SETD1B: variants seen among roughly 807,000 people sequenced by gnomAD.
The protein encoded by SETD1B is SET domain containing 1B, histone lysine methyltransferase, also known as histone-lysine N-methyltransferase SETD1B.
SETD1B carries 7 observed loss-of-function variants against 148.0 expected under a neutral mutation model. The ratio of observed to expected loss-of-function variants is 0.05; its 90% confidence interval spans 0.03 to 0.09. The LOEUF (loss-of-function observed/expected upper bound fraction) is 0.09. SETD1B is among the 10% of genes least tolerant of loss of function. SETD1B has a pLI of 1.00. For synonymous variants in SETD1B, 1,361 were observed against 1,186.5 expected (o/e 1.15, Z -3.02); for missense variants, 2,155 against 2,729.9 (o/e 0.79, Z 4.69).
intron 10 of SETD1B, among the ~76,000 whole-genome samples, 191 bp downstream of exon 10, chr12:121,818,095 A>G (rs1290643200): frequency 1.3e-5 from 2 of 152,218 alleles, no homozygotes; most frequent in Non-Finnish European, 1.5e-5. Context: ...TGGCATGTCC[A>G]TAGAAATAGA....
rs771200605 is a variant in SETD1B at position 121,814,220 on chromosome 12, G to A, written c.2005G>A (p.Val669Met). ...PMVVTPGAAA[V>M]AAPSVLAPTL... ...GGTGGTGACCCCAGGAGCGGCAGCC[G>A]TGGCAGCCCCTTCTGTGCTAGCCCC... Residue 669 changes from valine to methionine, a missense_variant, in exon 7 of 17, where the codon GTG becomes ATG. Physicochemically the swap from Val to Met is conservative, Grantham distance 21. This residue lies in a region of SETD1B where 295 missense variants were observed against 303.8 expected (regional missense o/e 0.97). Coordinates refer to ENST00000604567, the MANE Select transcript of SETD1B (RefSeq NM_001353345.2). 4 of 1,527,116 alleles carry A rather than the reference G, an allele frequency of 2.6e-6. No individual in the cohort carries two copies. The highest frequency in any genetic ancestry group is 3.5e-6 in the Non-Finnish European group (4 of 1,142,196). 94.6% of individuals were successfully genotyped at this position (1,527,116 alleles called of 1,614,324 possible).
At chr12:121,793,947 CG>C in the SETD1B span, 1 of 268,492 alleles carries the variant, frequency 3.7e-6, no homozygotes, top group Non-Finnish European at 7.0e-6. Flanking sequence ...GAGACCCGAT[CG>C]TGGCTGCCCA....
chr12:121,813,860 G>C (rs1876154373), intron 6 of SETD1B, among the ~76,000 whole-genome samples: 1 of 152,152 alleles, frequency 6.6e-6, no homozygotes, highest in African/African-American at 2.4e-5. Flanking sequence ...CCAGTGCCTG[G>C]CACACAGGTA....
chr12:121,792,102 GGGGGGC>G, the SETD1B span, among the ~76,000 whole-genome samples: 3 of 132,280 alleles, frequency 2.3e-5, no homozygotes, highest in African/African-American at 1.0e-4. Context: ...TCGGAATGGA[GGGGGGC>G]TCTGAGCTAG....
chr12:121,813,667 C>G (rs1876145055), intron 6 of SETD1B, among the ~76,000 whole-genome samples: 1 of 152,210 alleles, frequency 6.6e-6, no homozygotes, highest in Admixed American at 6.5e-5. Context: ...ACACAAGTTG[C>G]AACAGAATCT....
At chr12:121,800,644 C>T (rs1875296580), upstream of SETD1B, 1 of 150,380 alleles carries the variant, frequency 6.6e-6, no homozygotes, top group African/African-American at 2.4e-5. Flanking sequence ...CCCCCTACCC[C>T]TGCCGCTCCT....
Position 121,814,881 on chromosome 12 carries a change from C to T in SETD1B, c.2666C>T (p.Ala889Val). 6.4e-7 allele frequency: 1 copy of T among 1,550,790 alleles called. No homozygotes were observed. The highest frequency in any genetic ancestry group is 8.7e-7 in the Non-Finnish European group (1 of 1,146,610). The change falls in exon 7 of 17, where the codon GCT becomes GTT. Residue 889 changes from alanine to valine, a missense_variant. By Grantham distance (64) the Ala-to-Val change is moderately conservative. Coordinates refer to ENST00000604567, the MANE Select transcript of SETD1B (RefSeq NM_001353345.2). ...DLNRKMVEVVAFRAFDEWWDK... is the reference protein window; with the variant it reads ...DLNRKMVEVVVFRAFDEWWDK... ...AACCGCAAGATGGTGGAAGTGGTGG[C>T]TTTCCGGGCCTTTGACGAGTGGTGG...
At chr12:121,793,696 G>C in the SETD1B span, 4 of 1,400,808 alleles carry the variant, frequency 2.9e-6, no homozygotes, top group Non-Finnish European at 3.7e-6. Context: ...GAGGTCGGGG[G>C]CGGGGCGGGG....
chr12:121,819,913 CTGGGAGGGTGG>C lies in SETD1B; in HGVS notation c.3910+27_3910+37del, dbSNP rs1161816855. On this transcript the variant is annotated intron_variant, in intron 11 of 16. Transcript: ENST00000604567. ...AGCTCCAGGTAACACCTGCAACCCC[CTGGGAGGGTGG>C]TGGGAGGGAGGCAGGAAGTCCTCAC... 1.3e-6 allele frequency: 2 copies of C among 1,541,624 alleles called. No individual in the cohort carries two copies. Among genetic ancestry groups the C allele is most frequent in the African/African-American group, 2.8e-5 (2 of 72,590 alleles).
At position 121,805,714 on chromosome 12, in the gene SETD1B, G is replaced by A. The variant is rs1165871580; in HGVS notation, c.274-121G>A. Reference sequence around the variant, plus strand: ...ATTTTTTTTTTTTTTTTAATTTTTAGTTTTTTTACCCTTTATTGTTTTCAA... The same window carrying A: ...ATTTTTTTTTTTTTTTTAATTTTTAATTTTTTTACCCTTTATTGTTTTCAA... On this transcript the variant is annotated intron_variant, in intron 3 of 16. Coordinates refer to ENST00000604567, the MANE Select transcript of SETD1B (RefSeq NM_001353345.2). The surrounding 1 kb of genome is among the most constrained non-coding windows in gnomAD (Gnocchi z 4.2). 4 of 748,278 alleles carry A rather than the reference G, an allele frequency of 5.3e-6. No individual in the cohort carries two copies. In the African/African-American group the frequency reaches 8.4e-5, roughly 16 times the overall value. 46.4% of individuals were successfully genotyped at this position (748,278 alleles called of 1,614,324 possible).
At position 121,827,979 on chromosome 12, in the gene SETD1B, G is replaced by T; in HGVS notation, c.5636G>T (p.Gly1879Val). ...REKRYEDEGI[G>V]SSYMFRVDHD... ...AAGCGTTATGAGGACGAGGGCATCG[G>T]GAGCAGCTACATGTTCCGGGTGGAC... The change falls in exon 16 of 17, where the codon GGG (glycine) becomes GTG (valine). Residue 1879 changes from glycine (G) to valine (V), a missense_variant. Around this residue, in one of 11 missense-constraint regions of SETD1B, gnomAD observed 51 missense variants for 162.8 expected, o/e 0.31. Transcript: ENST00000604567. The T allele has an allele frequency of 6.4e-7, 1 of 1,552,070 alleles. No homozygotes were observed. The highest frequency in any genetic ancestry group is 8.7e-7 in the Non-Finnish European group (1 of 1,147,110).
At chr12:121,790,803 G>A in the SETD1B span, among the ~76,000 whole-genome samples, 13 of 152,232 alleles carry the variant, frequency 8.5e-5, no homozygotes, top group Admixed American at 5.9e-4. Context: ...TTGGGGCATG[G>A]CACCGTAGAT....
chr12:121,805,256 C>T lies in SETD1B; in HGVS notation c.273+40C>T. 2 of 1,468,114 alleles carry T rather than the reference C, an allele frequency of 1.4e-6. No homozygotes were observed. Among genetic ancestry groups the T allele is most frequent in the Admixed American group, 2.0e-5 (1 of 50,750 alleles). The allele number at this position is 1,468,114 out of a possible 1,614,324, so 90.9% of individuals were successfully genotyped here. Reference sequence around the variant, plus strand: ...CACTGCCCCGCCGTCCCTCCCCCACCTCCCCGAGTTCGAAAATAACGCCAG... The same window carrying T: ...CACTGCCCCGCCGTCCCTCCCCCACTTCCCCGAGTTCGAAAATAACGCCAG... On this transcript the variant is annotated intron_variant, in intron 3 of 16. Coordinates refer to ENST00000604567, the MANE Select transcript of SETD1B (RefSeq NM_001353345.2). This position sits in a 1 kb window ranked among gnomAD's most constrained non-coding sequence, Gnocchi z 4.2.
At chr12:121,793,256 C>G in the SETD1B span, 1 of 1,549,558 alleles carries the variant, frequency 6.5e-7, no homozygotes, top group Non-Finnish European at 8.7e-7. Context: ...GAGAGGGGGT[C>G]GGGTTGGTCC....
intron 10 of SETD1B, 23 bp from the exon 11 acceptor site, chr12:121,819,381 C>T (rs1876454565): frequency 6.4e-7 from 1 of 1,551,108 alleles, no homozygotes; most frequent in African/African-American, 1.4e-5. Flanking sequence ...TCAGGCAGCC[C>T]CTCGTCTGTG....
intron 11 of SETD1B, among the ~76,000 whole-genome samples, chr12:121,821,453 AAAG>A (rs1436938685): frequency 3.4e-5 from 5 of 148,822 alleles, no homozygotes; most frequent in African/African-American, 1.0e-4. Context: ...AAAAAAAAAG[AAAG>A]AAAAAGAAAT....
upstream of SETD1B, chr12:121,799,736 T>TGGGGGGGG (rs1459030938): frequency 4.8e-4 from 15 of 30,950 alleles, no homozygotes; most frequent in South Asian, 1.7e-3. Flanking sequence ...GGGGGTGGGG[T>TGGGGGGGG]GGGGCGGGGC....
At chr12:121,791,275 A>T in the SETD1B span, among the ~76,000 whole-genome samples, 1 of 152,128 alleles carries the variant, frequency 6.6e-6, no homozygotes, top group Non-Finnish European at 1.5e-5. Context: ...ACAGGTGCCC[A>T]CCACCACACC....
chr12:121,803,014 C>CCACTCCCGGACCTTTAATAAAGAAA (rs1555335657), upstream of SETD1B: 3 of 151,922 alleles, frequency 2.0e-5, no homozygotes, highest in African/African-American at 4.8e-5. This position sits in a 1 kb window ranked among gnomAD's most constrained non-coding sequence, Gnocchi z 4.7. Flanking sequence ...TTGGCTGCCG[C>CCACTCCCGGACCTTTAATAAAGAAA]GCCCTGCCGC....
Sources: allele counts gnomAD v4.1 joint callset (sites outside exome capture counted in the v4.1 genomes callset), GRCh38; gene constraint gnomAD v4.1.1; regional missense constraint gnomAD v4.1.1; non-coding constraint Gnocchi (gnomAD v3.1); transcripts MANE v1.5; gene names NCBI Gene and HGNC (gene_info 2026-07-23, HGNC 2026-07-21).